The following TMEM132B variants were observed in gnomAD, a reference collection of about 807,000 sequenced individuals.
TMEM132B encodes the protein transmembrane protein 132B.
TMEM132B carries 18 observed loss-of-function variants against 90.8 expected under a neutral mutation model. The observed-to-expected ratio is 0.20, with a 90% CI of 0.14 to 0.29. The LOEUF is 0.29. Among genes scored for constraint, TMEM132B ranks in the 10% least tolerant of loss-of-function variants. The probability of loss-of-function intolerance (pLI) is 1.00; values close to 1 mark genes in which losing one functional copy is unlikely to be tolerated. For missense variants in TMEM132B, 1,096 were observed against 1,326.8 expected, an observed-to-expected ratio of 0.83 and a Z score of 2.70; for synonymous variants, 504 against 523.3, an observed-to-expected ratio of 0.96 and a Z score of 0.50.
At chr12:125,444,111 G>A (rs938850982) in intron 3 of TMEM132B, among the ~76,000 whole-genome samples, 6 of 152,066 alleles carry the variant, frequency 3.9e-5, no homozygotes, top group Admixed American at 6.5e-5. Context: ...ACAAAGAACT[G>A]GAATCTGTAA....
chr12:125,387,755 CTGTCTCCA>C (rs1457962419), intron 2 of TMEM132B, among the ~76,000 whole-genome samples: 1 of 152,180 alleles, frequency 6.6e-6, no homozygotes, highest in East Asian at 1.9e-4. Flanking sequence ...GGATAAACAT[CTGTCTCCA>C]TCTTCCATCC....
chr12:125,412,276 A>G (rs1048610780), intron 2 of TMEM132B, among the ~76,000 whole-genome samples: 1 of 152,218 alleles, frequency 6.6e-6, no homozygotes, highest in Non-Finnish European at 1.5e-5. Context: ...AGGAACAAAA[A>G]TCTCACAGAA....
rs1555254100 is a variant in TMEM132B at position 125,505,179 on chromosome 12, A to ACAAAC, written c.1107-14260_1107-14259insCAAAC. 7.9e-3 allele frequency among the ~76,000 whole-genome samples: 1,118 copies of ACAAAC among 140,878 alleles called. 16 individuals carry two copies. Among genetic ancestry groups the ACAAAC allele is most frequent in the Middle Eastern group, 0.03 (8 of 270 alleles). The allele number at this position is 140,878 out of a possible 152,430, so 92.4% of individuals were successfully genotyped here. ...CACACCAGAGGACAAAAAAAAAAAAAAAAAAAAAAAAAAAAACAGTAAGTG... is the reference window on the plus strand; with the variant it reads ...CACACCAGAGGACAAAAAAAAAAAAACAAACAAAAAAAAAAAAAAAACAGTAAGTG... On this transcript the variant is annotated intron_variant, in intron 3 of 8. Coordinates refer to ENST00000682704, the MANE Select transcript of TMEM132B (RefSeq NM_001366854.1).
At chr12:125,478,299 G>A (rs934329396) in intron 3 of TMEM132B, among the ~76,000 whole-genome samples, 2 of 152,136 alleles carry the variant, frequency 1.3e-5, no homozygotes, top group Non-Finnish European at 2.9e-5. Flanking sequence ...TCAGAAAGTC[G>A]GTAATAACAA....
intron 3 of TMEM132B, among the ~76,000 whole-genome samples, chr12:125,433,648 C>G (rs1880609327): frequency 6.8e-6 from 1 of 147,392 alleles, no homozygotes; most frequent in Admixed American, 6.7e-5. Context: ...TTAGGTATAT[C>G]TCCCGATGCT....
chr12:125,530,015 C>T (rs752344355), intron 4 of TMEM132B, among the ~76,000 whole-genome samples: 3 of 152,142 alleles, frequency 2.0e-5, no homozygotes, highest in Non-Finnish European at 2.9e-5. Flanking sequence ...GGCCGCAGAG[C>T]GAGACCCTGT....
chr12:125,506,171 GA>G (rs1204791599), intron 3 of TMEM132B, among the ~76,000 whole-genome samples: 1 of 152,210 alleles, frequency 6.6e-6, no homozygotes, highest in African/African-American at 2.4e-5. Flanking sequence ...CTGAACAACA[GA>G]ATCCTACCCA....
chr12:125,384,733 C>G (rs1481845327), intron 2 of TMEM132B, among the ~76,000 whole-genome samples: 1 of 152,160 alleles, frequency 6.6e-6, no homozygotes, highest in Non-Finnish European at 1.5e-5. Flanking sequence ...TCACTGCAAC[C>G]TCTGCCTCCG....
intron 3 of TMEM132B, among the ~76,000 whole-genome samples, chr12:125,431,492 A>G (rs1385700654): frequency 6.6e-6 from 1 of 152,140 alleles, no homozygotes; most frequent in Non-Finnish European, 1.5e-5. Context: ...AGTCTGGGAT[A>G]AGGACCGAGA....
chr12:125,646,006 G>A (rs560120183), intron 6 of TMEM132B, among the ~76,000 whole-genome samples: 114 of 152,342 alleles, frequency 7.5e-4, no homozygotes, highest in African/African-American at 2.7e-3. Context: ...CATTGTGCAT[G>A]ATGCATGAGG....
intron 6 of TMEM132B, among the ~76,000 whole-genome samples, chr12:125,647,219 C>T (rs1034305083): frequency 2.6e-5 from 4 of 151,954 alleles, no homozygotes; most frequent in Non-Finnish European, 1.5e-5. Context: ...ACTTGTGGGA[C>T]CATAACAAAA....
intron 5 of TMEM132B, among the ~76,000 whole-genome samples, chr12:125,594,282 T>G (rs1357104321): frequency 1.3e-5 from 2 of 152,238 alleles, no homozygotes; most frequent in Non-Finnish European, 2.9e-5. Context: ...TTTGAATATA[T>G]CACTGTTTAT....
intron 2 of TMEM132B, among the ~76,000 whole-genome samples, chr12:125,366,911 A>G (rs1204081772): frequency 6.6e-6 from 1 of 152,098 alleles, no homozygotes; most frequent in Non-Finnish European, 1.5e-5. Flanking sequence ...TTTATCTTCA[A>G]ATTCATTGAT....
intron 3 of TMEM132B, among the ~76,000 whole-genome samples, chr12:125,417,066 C>T (rs1021651562): frequency 3.3e-5 from 5 of 152,258 alleles, no homozygotes; most frequent in South Asian, 4.1e-4. Flanking sequence ...AGCAGCACAA[C>T]GGTGTCTCCT....
At chr12:125,263,658 T>C (rs7968646) in intron 1 of TMEM132B, among the ~76,000 whole-genome samples, 17 of 152,212 alleles carry the variant, frequency 1.1e-4, no homozygotes, top group African/African-American at 4.1e-4. Context: ...AAAATTTTTT[T>C]TGAGGTTGGT....
At chr12:125,313,574 T>TTCCCC (rs1876173528) in intron 1 of TMEM132B, among the ~76,000 whole-genome samples, 1 of 64,016 alleles carries the variant, frequency 1.6e-5, no homozygotes, top group Admixed American at 2.1e-4. Flanking sequence ...CCCCTCTCCT[T>TTCCCC]TCCCCTCCCC....
rs1325242147 is a variant in TMEM132B, at chr12:125,349,604, C to T, written c.220C>T (p.Arg74Trp). 30 of 1,613,980 alleles carry T rather than the reference C, an allele frequency of 1.9e-5. No individual in the cohort carries two copies. Among genetic ancestry groups the T allele is most frequent in the Middle Eastern group, 1.6e-4 (1 of 6,084 alleles). Residue 74 changes from arginine to tryptophan, a missense_variant, in exon 2 of 9, where the codon CGG (arginine) becomes TGG (tryptophan). Arg to Trp is a moderately radical substitution (Grantham distance 101). Transcript: ENST00000682704. The surrounding 1 kb of genome is among the most constrained non-coding windows in gnomAD (Gnocchi z 4.1). ...DLTRNSSLQA[R>W]VEPFFIYRAR... ...CACAAGGAACTCCAGTCTGCAGGCC[C>T]GGGTGGAGCCATTCTTCATCTACCG...
At chr12:125,311,332 CA>C (rs1429774666) in intron 1 of TMEM132B, among the ~76,000 whole-genome samples, 4 of 152,182 alleles carry the variant, frequency 2.6e-5, no homozygotes, top group South Asian at 2.1e-4. Flanking sequence ...GATTTTAAAT[CA>C]AAGTTAATTG....
chr12:125,594,652 A>G (rs1235447330), intron 5 of TMEM132B, among the ~76,000 whole-genome samples: 4 of 152,144 alleles, frequency 2.6e-5, no homozygotes, highest in Admixed American at 2.0e-4. Flanking sequence ...GCATCTTTTC[A>G]GTGTGCCATT....
Sources: gnomAD v4.1 joint callset for allele counts (sites outside exome capture counted in the v4.1 genomes callset) on GRCh38, gnomAD v4.1.1 for gene constraint, Gnocchi (gnomAD v3.1) non-coding constraint, MANE v1.5 for transcripts, NCBI Gene and HGNC (gene_info 2026-07-23, HGNC 2026-07-21) for gene names.